The following HSPB8 variants were observed in gnomAD, a reference collection of about 807,000 sequenced individuals.
The protein encoded by HSPB8 is heat shock protein family B (small) member 8.
HSPB8 carries 9 observed loss-of-function variants against 16.5 expected under a neutral mutation model. That is an observed-to-expected ratio of 0.55 (90% CI 0.33 to 0.95). The LOEUF (loss-of-function observed/expected upper bound fraction) is 0.95. Among genes scored for constraint, HSPB8 ranks in the 40% least tolerant of loss-of-function variants. HSPB8 has a pLI of 0.03. For missense variants in HSPB8, 238 were observed against 251.2 expected (o/e 0.95, Z 0.35); for synonymous variants, 99 against 94.8 (o/e 1.04, Z -0.26).
At position 119,188,998 on chromosome 12, in the gene HSPB8, C is replaced by G. The variant is rs60777658; in HGVS notation, c.431+1910C>G. Among the ~76,000 whole-genome samples the G allele has an allele frequency of 9.5e-3, 1,447 of 152,324 alleles. 29 individuals are homozygous for G. Among genetic ancestry groups the G allele is most frequent in the African/African-American group, 0.033 (1,383 of 41,558 alleles). ...GATTCTACATTCCTGTCTCTTCCCC[C>G]ACATGTCCGTCCCTGGCCCTCCCAC... On this transcript the variant is annotated intron_variant, in intron 2 of 2. Coordinates refer to ENST00000281938, the MANE Select transcript of HSPB8 (RefSeq NM_014365.3).
Position 119,179,168 on chromosome 12 carries a change from GT to G in HSPB8, c.-143del, listed in dbSNP as rs1440971262. ...GGGGACACAACCGTCCCTGGCAGTG[GT>G]TGGTTCTGCTTCTCCCTGCAGAAAA... On this transcript the variant is annotated 5_prime_UTR_variant, in exon 1 of 3. Coordinates refer to ENST00000281938, the MANE Select transcript of HSPB8 (RefSeq NM_014365.3). The G allele has an allele frequency of 4.8e-6, 4 of 828,506 alleles. No homozygotes were observed. The Admixed American group carries it at 7.9e-5, about 16-fold the overall frequency. The allele number at this position is 828,506 out of a possible 1,614,324, so 51.3% of individuals were successfully genotyped here. A position where few individuals can be genotyped will look rare whatever the true frequency, so the allele number is the denominator to read the frequency against.
chr12:119,191,536 C>A (rs1413038255), intron 2 of HSPB8, among the ~76,000 whole-genome samples: 2 of 151,822 alleles, frequency 1.3e-5, no homozygotes, highest in African/African-American at 4.8e-5. Flanking sequence ...CAAGGAATCT[C>A]CTGGGTAGAT....
rs145629414 is a variant in HSPB8 at position 119,191,556 on chromosome 12, G to A, written c.432-2143G>A. Reference sequence around the variant, plus strand: ...AATCTCCTGGGTAGATACGGCTCATGTGGCTACAGGTTGTTGTACCCACAA... The same window carrying A: ...AATCTCCTGGGTAGATACGGCTCATATGGCTACAGGTTGTTGTACCCACAA... On this transcript the variant is annotated intron_variant, in intron 2 of 2. Transcript: ENST00000281938. Among the ~76,000 whole-genome samples, 12 of 151,020 alleles carry A rather than the reference G, an allele frequency of 7.9e-5. No individual in the cohort carries two copies. In the East Asian group the frequency reaches 2.1e-3, roughly 27 times the overall value.
At chr12:119,190,192 C>T (rs1954704123) in intron 2 of HSPB8, among the ~76,000 whole-genome samples, 1 of 152,202 alleles carries the variant, frequency 6.6e-6, no homozygotes, top group Non-Finnish European at 1.5e-5. Flanking sequence ...AGGCTGGACT[C>T]ACACTCCAGC....
chr12:119,193,633 G>A, intron 2 of HSPB8, 66 bp from the exon 3 acceptor site: 1 of 1,550,868 alleles, frequency 6.4e-7, no homozygotes, highest in East Asian at 2.2e-5. Flanking sequence ...TTCCTCTCAA[G>A]TGAATAAAAG....
At chr12:119,183,513 T>A (rs764772854) in intron 1 of HSPB8, among the ~76,000 whole-genome samples, 10 of 152,204 alleles carry the variant, frequency 6.6e-5, no homozygotes, top group Non-Finnish European at 1.2e-4. Context: ...CTGAGGCATG[T>A]TGAAAAAAGC....
rs1565927059 is a variant in HSPB8 at position 119,179,559 on chromosome 12, G to GC, written c.249dup (p.Glu84ArgfsTer43). ...TGCCACCGCCAGGTTTGGGGTGCCT[G>GC]CCGAGGGCAGGACCCCCCCACCCTT... On this transcript the variant is annotated frameshift_variant, in exon 1 of 3. Transcript: ENST00000281938. LOFTEE classifies it high-confidence loss of function. 1 of 1,613,406 alleles carries GC rather than the reference G, an allele frequency of 6.2e-7. No individual in the cohort carries two copies. Among genetic ancestry groups the GC allele is most frequent in the Non-Finnish European group, 8.5e-7 (1 of 1,179,614 alleles).
chr12:119,182,446 C>G (rs1954644815), intron 1 of HSPB8, among the ~76,000 whole-genome samples: 1 of 152,006 alleles, frequency 6.6e-6, no homozygotes, highest in South Asian at 2.1e-4. Context: ...TGAGACCAGT[C>G]TGGTCAACAT....
chr12:119,185,642 A>G (rs1022501199), intron 1 of HSPB8, among the ~76,000 whole-genome samples: 5 of 151,578 alleles, frequency 3.3e-5, no homozygotes, highest in African/African-American at 1.2e-4. Context: ...TATTATTATT[A>G]TTATTATTAT....
chr12:119,179,540 C>A lies in HSPB8; in HGVS notation c.228C>A (p.Thr76=). Reference sequence around the variant, plus strand: ...TGGTGCCCCGGGGCCCCACTGCCACCGCCAGGTTTGGGGTGCCTGCCGAGG... The same window carrying A: ...TGGTGCCCCGGGGCCCCACTGCCACAGCCAGGTTTGGGGTGCCTGCCGAGG... ...SGMVPRGPTA[T]ARFGVPAEGR... The change falls in exon 1 of 3, where the codon ACC becomes ACA. Residue 76 remains threonine (T), a synonymous_variant. Transcript: ENST00000281938. 6 of 1,613,768 alleles carry A rather than the reference C, an allele frequency of 3.7e-6. No homozygotes were observed. The highest frequency in any genetic ancestry group is 5.1e-6 in the Non-Finnish European group (6 of 1,179,848).
At chr12:119,190,345 G>A (rs1408441130) in intron 2 of HSPB8, among the ~76,000 whole-genome samples, 1 of 152,192 alleles carries the variant, frequency 6.6e-6, no homozygotes, top group Non-Finnish European at 1.5e-5. Context: ...TAGAGGACAG[G>A]GAGATTCCTT....
At chr12:119,181,564 C>A (rs1031084721) in intron 1 of HSPB8, among the ~76,000 whole-genome samples, 6 of 152,110 alleles carry the variant, frequency 3.9e-5, no homozygotes, top group Non-Finnish European at 5.9e-5. Context: ...GATTTGGGGG[C>A]CCCAAGATTT....
Position 119,179,467 on chromosome 12 carries a change from C to A in HSPB8, c.155C>A (p.Ala52Asp), listed in dbSNP as rs1555222569. ...DDLTASWPDW[A>D]LPRLSSAWPG... Reference sequence around the variant, plus strand: ...TTGACAGCCTCTTGGCCCGACTGGGCTCTGCCTCGTCTCTCCTCCGCCTGG... The same window carrying A: ...TTGACAGCCTCTTGGCCCGACTGGGATCTGCCTCGTCTCTCCTCCGCCTGG... The change falls in exon 1 of 3, where the codon GCT becomes GAT. Residue 52 changes from alanine (A) to aspartate (D), a missense_variant. Ala to Asp is a moderately radical substitution (Grantham distance 126). Transcript: ENST00000281938. 1 of 1,614,078 alleles carries A rather than the reference C, an allele frequency of 6.2e-7. No homozygotes were observed. Among genetic ancestry groups the A allele is most frequent in the African/African-American group, 1.3e-5 (1 of 75,042 alleles).
intron 1 of HSPB8, among the ~76,000 whole-genome samples, chr12:119,186,475 C>T (rs1023160992): frequency 3.9e-5 from 6 of 152,114 alleles, no homozygotes; most frequent in African/African-American, 1.4e-4. Context: ...ACCTGCTGGG[C>T]GACCCTGGAT....
chr12:119,188,080 G>T (rs1954687920), intron 2 of HSPB8, among the ~76,000 whole-genome samples: 2 of 152,110 alleles, frequency 1.3e-5, no homozygotes, highest in South Asian at 4.1e-4. Context: ...GCCACCACGA[G>T]CCCCTAGCTG....
intron 2 of HSPB8, 61 bp downstream of exon 2, chr12:119,187,149 C>T (rs1954681890): frequency 5.1e-6 from 7 of 1,371,120 alleles, no homozygotes. Flanking sequence ...CACCTGGGAC[C>T]CATGATCTGG....
At position 119,181,889 on chromosome 12, in the gene HSPB8, A is replaced by G. The variant is rs116876444; in HGVS notation, c.367+2210A>G. ...ATAATATATGCGGAGTGTCTATAAA[A>G]TGGAGCTAATAATAGTGCTTGCCTG... On this transcript the variant is annotated intron_variant, in intron 1 of 2. Transcript: ENST00000281938. 7.9e-4 allele frequency among the ~76,000 whole-genome samples: 120 copies of G among 152,300 alleles called. 2 individuals are homozygous for G. The East Asian group carries it at 0.017, about 21-fold the overall frequency.
At chr12:119,186,922 C>A in intron 1 of HSPB8, 103 bp from the exon 2 acceptor site, 1 of 1,095,756 alleles carries the variant, frequency 9.1e-7, no homozygotes. Flanking sequence ...GCCTAAGTCA[C>A]ACAGCAAGGC....
chr12:119,192,984 C>T (rs1954721577), intron 2 of HSPB8, among the ~76,000 whole-genome samples: 1 of 152,108 alleles, frequency 6.6e-6, no homozygotes, highest in African/African-American at 2.4e-5. Context: ...CAATTATCTC[C>T]CATCAGGCCT....
Sources: gnomAD v4.1 joint callset for allele counts (sites outside exome capture counted in the v4.1 genomes callset) on GRCh38, gnomAD v4.1.1 for gene constraint, MANE v1.5 for transcripts, NCBI Gene and HGNC (gene_info 2026-07-23, HGNC 2026-07-21) for gene names.